Variants in PTPRO observed in about 807,000 individuals in gnomAD.
The protein encoded by PTPRO is protein tyrosine phosphatase receptor type O, also known as receptor-type tyrosine-protein phosphatase O.
Under a neutral mutation model 145.2 loss-of-function variants are expected in PTPRO, and 62 were observed. The observed-to-expected ratio is 0.43, with a 90% CI of 0.35 to 0.53. The LOEUF is 0.53. PTPRO is among the 20% of genes least tolerant of loss of function. The probability of loss-of-function intolerance (pLI) is 0.01; values close to 1 mark genes in which losing one functional copy is unlikely to be tolerated. For synonymous variants in PTPRO, 565 were observed against 514.7 expected (o/e 1.10, Z -1.32); for missense variants, 1,345 against 1,482.7 (o/e 0.91, Z 1.53).
At chr12:15,444,254 A>G (rs1411111885) in intron 1 of PTPRO, among the ~76,000 whole-genome samples, 1 of 152,090 alleles carries the variant, frequency 6.6e-6, no homozygotes, top group Non-Finnish European at 1.5e-5. Context: ...AGTCCTGACC[A>G]TTCTCACTTA....
intron 15 of PTPRO, among the ~76,000 whole-genome samples, 170 bp downstream of exon 15, chr12:15,551,841 GA>G (rs1943470043): frequency 6.6e-6 from 1 of 151,848 alleles, no homozygotes; most frequent in South Asian, 2.1e-4. Context: ...CATTATATTG[GA>G]AAATATTACC....
chr12:15,360,490 A>C (rs944675004), intron 1 of PTPRO, among the ~76,000 whole-genome samples: 2 of 152,266 alleles, frequency 1.3e-5, no homozygotes, highest in South Asian at 4.2e-4. Flanking sequence ...CCTGTCCCCA[A>C]GTGCCATGCA....
chr12:15,419,819 A>G lies in PTPRO; in HGVS notation c.76-64155A>G, dbSNP rs1051459792. Among the ~76,000 whole-genome samples, 73 of 151,634 alleles carry G rather than the reference A, an allele frequency of 4.8e-4. 3 individuals are homozygous for G. The highest frequency in any genetic ancestry group is 1.3e-4 in the Non-Finnish European group (9 of 68,020). On this transcript the variant is annotated intron_variant, in intron 1 of 26. Coordinates refer to ENST00000281171, the MANE Select transcript of PTPRO (RefSeq NM_030667.3). ...TACTAGATGTACATTCAAAACATCCATTCAACAAACCAATTGAATTAGTTG... is the reference window on the plus strand; with the variant it reads ...TACTAGATGTACATTCAAAACATCCGTTCAACAAACCAATTGAATTAGTTG...
chr12:15,550,439 CT>C, intron 14 of PTPRO, among the ~76,000 whole-genome samples: 1 of 152,242 alleles, frequency 6.6e-6, no homozygotes. Flanking sequence ...ATATGTGAAC[CT>C]GCACAGTTCA....
chr12:15,325,541 T>A (rs1866421962), intron 1 of PTPRO, among the ~76,000 whole-genome samples: 1 of 152,190 alleles, frequency 6.6e-6, no homozygotes, highest in Admixed American at 6.5e-5. Context: ...ATATTGATGG[T>A]GTATATAAAA....
chr12:15,544,085 T>C (rs1024662537), intron 12 of PTPRO, among the ~76,000 whole-genome samples: 2 of 152,106 alleles, frequency 1.3e-5, no homozygotes, highest in African/African-American at 4.8e-5. Context: ...GTGATTTTAA[T>C]CCGTTGTTGA....
chr12:15,568,472 A>T (rs1943959481), intron 18 of PTPRO, among the ~76,000 whole-genome samples: 1 of 152,036 alleles, frequency 6.6e-6, no homozygotes, highest in Non-Finnish European at 1.5e-5. Flanking sequence ...AAAAGACCAC[A>T]GTTAGATGAT....
Position 15,422,574 on chromosome 12 carries a change from G to A in PTPRO, c.76-61400G>A, listed in dbSNP as rs185539268. 5.3e-4 allele frequency among the ~76,000 whole-genome samples: 80 copies of A among 152,244 alleles called. 3 individuals are homozygous for A. In the East Asian group the frequency reaches 0.013, roughly 25 times the overall value. ...AAAATACATTTTTTCTATTCCTCCA[G>A]ATAGTAGGGTTCTCATTTTTCACAG... is the stretch of plus-strand genomic sequence containing the variant. On this transcript the variant is annotated intron_variant, in intron 1 of 26. Coordinates refer to ENST00000281171, the MANE Select transcript of PTPRO (RefSeq NM_030667.3).
chr12:15,420,481 A>C (rs929696942), intron 1 of PTPRO, among the ~76,000 whole-genome samples: 1 of 151,658 alleles, frequency 6.6e-6, no homozygotes, highest in African/African-American at 2.4e-5. Flanking sequence ...CAGCCATTCC[A>C]ATTGTGGAAA....
At chr12:15,343,875 G>A (rs567711764) in intron 1 of PTPRO, among the ~76,000 whole-genome samples, 35 of 152,186 alleles carry the variant, frequency 2.3e-4, no homozygotes, top group Admixed American at 1.8e-3. Context: ...TAGTAGAGAC[G>A]GGGTTTCACT....
At chr12:15,461,542 C>T (rs112338707) in intron 1 of PTPRO, among the ~76,000 whole-genome samples, 9 of 146,614 alleles carry the variant, frequency 6.1e-5, no homozygotes, top group African/African-American at 2.3e-4. Context: ...TTTCCTAGTC[C>T]AAGTCCTTCA....
chr12:15,439,181 T>C (rs763828666), intron 1 of PTPRO, among the ~76,000 whole-genome samples: 1 of 152,164 alleles, frequency 6.6e-6, no homozygotes, highest in Non-Finnish European at 1.5e-5. Context: ...CAAAGGTTTA[T>C]AAGTGAAAGA....
chr12:15,466,188 C>G (rs1294169695), intron 1 of PTPRO, among the ~76,000 whole-genome samples: 1 of 151,670 alleles, frequency 6.6e-6, no homozygotes. Context: ...TTTCATAATT[C>G]TATTGTTTTA....
chr12:15,455,588 T>G (rs1349661932), intron 1 of PTPRO, among the ~76,000 whole-genome samples: 3 of 152,196 alleles, frequency 2.0e-5, no homozygotes, highest in African/African-American at 7.2e-5. Flanking sequence ...TATTCCTAAG[T>G]ATTTTATTCT....
chr12:15,526,590 C>T (rs1296566716), intron 12 of PTPRO, among the ~76,000 whole-genome samples: 1 of 152,104 alleles, frequency 6.6e-6, no homozygotes, highest in East Asian at 1.9e-4. Flanking sequence ...ATTCTATTTT[C>T]ATATTAATAT....
intron 1 of PTPRO, among the ~76,000 whole-genome samples, chr12:15,370,100 C>T (rs914165673): frequency 2.6e-5 from 4 of 152,186 alleles, no homozygotes; most frequent in African/African-American, 7.2e-5. Flanking sequence ...TGTATGTTAT[C>T]TCAATTATAT....
At chr12:15,559,201 A>T (rs1943713619) in intron 16 of PTPRO, among the ~76,000 whole-genome samples, 1 of 152,222 alleles carries the variant, frequency 6.6e-6, no homozygotes, top group African/African-American at 2.4e-5. Flanking sequence ...GAGACCAGTC[A>T]TGGGAGAGCT....
At chr12:15,369,823 G>C (rs955779449) in intron 1 of PTPRO, among the ~76,000 whole-genome samples, 6 of 152,218 alleles carry the variant, frequency 3.9e-5, no homozygotes, top group Admixed American at 2.6e-4. Flanking sequence ...AGGCCAAGGA[G>C]GGTGGATCAC....
At chr12:15,577,796 CATTGTACAACTCCAGTGAACACCGTTCAT>C (rs1422653621) in intron 19 of PTPRO, among the ~76,000 whole-genome samples, 1 of 152,152 alleles carries the variant, frequency 6.6e-6, no homozygotes, top group Non-Finnish European at 1.5e-5. Context: ...ATTGGTTGCA[CATTGTACAACTCCAGTGAACACCGTTCAT>C]ATAGACCACA....
Sources: allele counts gnomAD v4.1 joint callset (sites outside exome capture counted in the v4.1 genomes callset), GRCh38; gene constraint gnomAD v4.1.1; transcripts MANE v1.5; gene names NCBI Gene and HGNC (gene_info 2026-07-23, HGNC 2026-07-21).